Variants in SCGB2B2 observed in about 807,000 individuals in gnomAD.
The protein encoded by SCGB2B2 is secretoglobin-like protein.
In SCGB2B2, 11 loss-of-function variants were observed where a neutral mutation model predicts 7.6. The observed-to-expected ratio is 1.45, with a 90% CI of 0.91 to 2.40. The LOEUF is 2.40. Among genes scored for constraint, SCGB2B2 ranks in the 30% most tolerant of loss-of-function variants. The pLI is 0.00. For synonymous variants in SCGB2B2, 50 were observed against 48.6 expected, an observed-to-expected ratio of 1.03 and a Z score of -0.12; for missense variants, 104 against 115.4, an observed-to-expected ratio of 0.90 and a Z score of 0.45.
chr19:34,611,545 G>A (rs1308849904), intron 1 of SCGB2B2, among the ~76,000 whole-genome samples: 1 of 151,728 alleles, frequency 6.6e-6, no homozygotes. Flanking sequence ...TTTAAATGTA[G>A]GTATTTATCA....
intron 1 of SCGB2B2, among the ~76,000 whole-genome samples, chr19:34,629,566 G>A (rs1165791729): frequency 6.6e-6 from 1 of 151,970 alleles, no homozygotes; most frequent in African/African-American, 2.4e-5. Context: ...TACAAGGGAT[G>A]TGAAGGACCT....
intron 1 of SCGB2B2, among the ~76,000 whole-genome samples, chr19:34,648,806 G>A (rs1475078126): frequency 1.3e-5 from 2 of 151,802 alleles, no homozygotes; most frequent in African/African-American, 4.8e-5. Context: ...AAAAGAACAT[G>A]TTGCATTATT....
At chr19:34,628,733 T>C (rs975106736) in intron 1 of SCGB2B2, among the ~76,000 whole-genome samples, 4 of 151,814 alleles carry the variant, frequency 2.6e-5, no homozygotes, top group Non-Finnish European at 4.4e-5. Flanking sequence ...TTGCAATCAA[T>C]AGAAAAAGAG....
intron 1 of SCGB2B2, chr19:34,640,442 G>A (rs953531994): frequency 6.6e-6 from 1 of 152,078 alleles, no homozygotes; most frequent in Non-Finnish European, 1.5e-5. Context: ...TGATCATGTT[G>A]GGGACTTGTG....
At chr19:34,610,615 T>C (rs1313042180) in intron 1 of SCGB2B2, among the ~76,000 whole-genome samples, 1 of 152,178 alleles carries the variant, frequency 6.6e-6, no homozygotes, top group Non-Finnish European at 1.5e-5. Flanking sequence ...TCACAAGTAT[T>C]GATTTGTATA....
intron 1 of SCGB2B2, among the ~76,000 whole-genome samples, chr19:34,610,201 T>G (rs1473418106): frequency 1.3e-5 from 2 of 151,852 alleles, no homozygotes; most frequent in South Asian, 2.1e-4. Flanking sequence ...GTTATAAGAG[T>G]TTTTTCTTGG....
intron 1 of SCGB2B2, among the ~76,000 whole-genome samples, chr19:34,653,899 T>C (rs62121991): frequency 6.7e-6 from 1 of 150,186 alleles, no homozygotes; most frequent in Non-Finnish European, 1.5e-5. Context: ...TCCTCTAAGA[T>C]CAGGAACAAG....
intron 1 of SCGB2B2, among the ~76,000 whole-genome samples, chr19:34,648,563 T>G (rs1568440145): frequency 6.6e-6 from 1 of 152,140 alleles, no homozygotes; most frequent in South Asian, 2.1e-4. Context: ...AAAATTACAA[T>G]GTCCTTTAAT....
rs2065320408 is a variant in SCGB2B2 at position 34,592,408 on chromosome 19, A to G, written c.*1147T>C. 6.6e-6 allele frequency among the ~76,000 whole-genome samples: 1 copy of G among 151,788 alleles called. No individual in the cohort carries two copies. The highest frequency in any genetic ancestry group is 1.5e-5 in the Non-Finnish European group (1 of 67,950). ...GGGGAGTGAGGCTGGAGGCAGGGAG[A>G]CTCAGAGGGATGGAGGTCTCGCTGA... On this transcript the variant is annotated 3_prime_UTR_variant, in exon 4 of 4. Transcript: ENST00000601241.
At chr19:34,616,846 T>A (rs556945503) in intron 1 of SCGB2B2, among the ~76,000 whole-genome samples, 4,154 of 152,218 alleles carry the variant, frequency 0.027, 194 homozygotes, top group African/African-American at 0.093. Context: ...TTAATCCATC[T>A]TGAATTAATT....
At chr19:34,662,271 C>G (rs1288151898) in intron 1 of SCGB2B2, among the ~76,000 whole-genome samples, 1 of 152,052 alleles carries the variant, frequency 6.6e-6, no homozygotes, top group East Asian at 1.9e-4. Flanking sequence ...CTGTCCTAAA[C>G]TGGGACAGCA....
At chr19:34,617,740 G>C (rs868377234) in intron 1 of SCGB2B2, among the ~76,000 whole-genome samples, 27 of 152,188 alleles carry the variant, frequency 1.8e-4, no homozygotes, top group African/African-American at 6.0e-4. Flanking sequence ...GGAGTGGTGA[G>C]AGAGGACATC....
intron 1 of SCGB2B2, among the ~76,000 whole-genome samples, chr19:34,614,669 C>A (rs2066022351): frequency 6.6e-6 from 1 of 151,976 alleles, no homozygotes. Context: ...GTCATATTTC[C>A]TTGCTTTTAA....
rs187103657 is a variant in SCGB2B2 at position 34,591,145 on chromosome 19, T to C, written c.*2410A>G. ...CCAAACTAGAGCGTCTCACACCCCC[T>C]GTGTCCCGTCCTCCTGGATAGCTAA... On this transcript the variant is annotated 3_prime_UTR_variant, in exon 4 of 4. Coordinates refer to ENST00000601241, the MANE Select transcript of SCGB2B2 (RefSeq NM_001025591.4). Among the ~76,000 whole-genome samples, 7 of 152,208 alleles carry C rather than the reference T, an allele frequency of 4.6e-5. No homozygotes were observed. The East Asian group carries it at 7.7e-4, about 17-fold the overall frequency.
intron 1 of SCGB2B2, among the ~76,000 whole-genome samples, chr19:34,617,029 T>C (rs2066103050): frequency 6.6e-6 from 1 of 152,228 alleles, no homozygotes. Flanking sequence ...GGCTCTGTTC[T>C]GTTCCATTGA....
At chr19:34,599,786 C>T (rs1314764251) in intron 1 of SCGB2B2, among the ~76,000 whole-genome samples, 1 of 152,098 alleles carries the variant, frequency 6.6e-6, no homozygotes, top group East Asian at 1.9e-4. Context: ...CTTCCTGCCT[C>T]TCTTCTTCCT....
At chr19:34,668,363 C>T (rs1157621556) in intron 1 of SCGB2B2, among the ~76,000 whole-genome samples, 2 of 152,236 alleles carry the variant, frequency 1.3e-5, no homozygotes, top group Non-Finnish European at 2.9e-5. Context: ...CTCAATTTCT[C>T]GCCGGGCCTT....
intron 1 of SCGB2B2, chr19:34,637,990 G>C (rs1192259953): frequency 1.3e-5 from 2 of 152,200 alleles, no homozygotes; most frequent in Non-Finnish European, 2.9e-5. Flanking sequence ...GTGTTTCCTT[G>C]CTGGGGCATC....
chr19:34,585,946 ATTTTG>A (rs1486429066), downstream of SCGB2B2, among the ~76,000 whole-genome samples: 2 of 152,188 alleles, frequency 1.3e-5, no homozygotes, highest in Non-Finnish European at 2.9e-5. Context: ...TAAAGTTGTT[ATTTTG>A]TTTTAATAGC....
Sources: allele counts gnomAD v4.1 joint callset (sites outside exome capture counted in the v4.1 genomes callset), GRCh38; gene constraint gnomAD v4.1.1; transcripts MANE v1.5; gene names NCBI Gene and HGNC (gene_info 2026-07-23, HGNC 2026-07-21).